ANKRD44: variants seen among roughly 807,000 people sequenced by gnomAD.
ANKRD44 encodes ankyrin repeat domain 44, also known as serine/threonine-protein phosphatase 6 regulatory ankyrin repeat subunit B.
A neutral mutation model predicts 116.0 loss-of-function variants in ANKRD44; 35 were observed. The observed-to-expected ratio is 0.30, with a 90% CI of 0.23 to 0.40. ANKRD44 has a LOEUF of 0.40. ANKRD44 is among the 10% of genes least tolerant of loss of function. ANKRD44 has a pLI of 1.00. For synonymous variants in ANKRD44, 435 were observed against 461.8 expected (o/e 0.94, Z 0.74); for missense variants, 1,014 against 1,242.6 (o/e 0.82, Z 2.77).
At chr2:197,227,333 C>T (rs1170580316) in intron 1 of ANKRD44, among the ~76,000 whole-genome samples, 1 of 152,158 alleles carries the variant, frequency 6.6e-6, no homozygotes, top group Non-Finnish European at 1.5e-5. Flanking sequence ...ATAGCTGGAC[C>T]GAGGACTGCA....
At position 197,099,796 on chromosome 2, in the gene ANKRD44, G is replaced by A. The variant is rs142683674; in HGVS notation, c.1100+20C>T. The A allele has an allele frequency of 1.4e-4, 226 of 1,613,160 alleles. No individual in the cohort carries two copies. The highest frequency in any genetic ancestry group is 1.7e-4 in the Non-Finnish European group (196 of 1,179,570). On this transcript the variant is annotated intron_variant, in intron 10 of 27. Coordinates refer to ENST00000282272, the MANE Select transcript of ANKRD44 (RefSeq NM_001195144.2). Reference sequence around the variant, plus strand: ...TCCCACTTGAGGCAATTATTCCACCGTATTTTTGCGGTAACCTACTTGGCT... The same window carrying A: ...TCCCACTTGAGGCAATTATTCCACCATATTTTTGCGGTAACCTACTTGGCT...
At chr2:197,211,667 CGAGGGGCACAA>C (rs779274725) in intron 1 of ANKRD44, among the ~76,000 whole-genome samples, 2 of 152,052 alleles carry the variant, frequency 1.3e-5, no homozygotes, top group Non-Finnish European at 2.9e-5. Flanking sequence ...GGTACCACCT[CGAGGGGCACAA>C]GAATCTTGGG....
intron 2 of ANKRD44, among the ~76,000 whole-genome samples, chr2:197,166,093 T>TA (rs1350619805): frequency 6.6e-6 from 1 of 152,184 alleles, no homozygotes; most frequent in African/African-American, 2.4e-5. Context: ...GCTTGACTGT[T>TA]ACAGAGGTTT....
At chr2:196,986,280 T>C (rs1007638169), downstream of ANKRD44, among the ~76,000 whole-genome samples, 1 of 152,058 alleles carries the variant, frequency 6.6e-6, no homozygotes, top group African/African-American at 2.4e-5. Context: ...CTAGGCATAG[T>C]GGTGCACATC....
At chr2:197,020,761 G>T (rs2076480386) in intron 17 of ANKRD44, among the ~76,000 whole-genome samples, 1 of 151,504 alleles carries the variant, frequency 6.6e-6, no homozygotes, top group African/African-American at 2.4e-5. Context: ...GCCTTATTAG[G>T]TAACAATTAT....
intron 26 of ANKRD44, 61 bp from the exon 27 acceptor site, chr2:196,993,735 T>C: frequency 7.2e-7 from 1 of 1,390,084 alleles, no homozygotes; most frequent in Non-Finnish European, 1.0e-6. Context: ...TGTGGAATTT[T>C]TGTTAGCCCA....
At chr2:197,017,182 A>C (rs1322788789) in intron 17 of ANKRD44, among the ~76,000 whole-genome samples, 1 of 152,230 alleles carries the variant, frequency 6.6e-6, no homozygotes, top group African/African-American at 2.4e-5. Context: ...AAAATCTATC[A>C]AACTTTTTAA....
At chr2:197,219,872 G>A (rs1009195264) in intron 1 of ANKRD44, among the ~76,000 whole-genome samples, 3 of 152,190 alleles carry the variant, frequency 2.0e-5, no homozygotes, top group African/African-American at 7.2e-5. Context: ...AATCTCCAAA[G>A]GCAGGGAGAG....
At chr2:197,202,677 G>A (rs1385079634) in intron 1 of ANKRD44, among the ~76,000 whole-genome samples, 2 of 152,230 alleles carry the variant, frequency 1.3e-5, no homozygotes, top group South Asian at 2.1e-4. Flanking sequence ...GGGGTCAGGT[G>A]AGCCTCCCCC....
intron 1 of ANKRD44, chr2:197,199,234 G>A (rs1003672714): frequency 6.6e-6 from 1 of 152,126 alleles, no homozygotes; most frequent in Non-Finnish European, 1.5e-5. Context: ...GTATCTTTAC[G>A]TAACGAGCTG....
chr2:197,108,185 A>G (rs560843787), intron 9 of ANKRD44, among the ~76,000 whole-genome samples: 1 of 152,278 alleles, frequency 6.6e-6, no homozygotes, highest in African/African-American at 2.4e-5. Flanking sequence ...TCCTCAACAT[A>G]CTGGCCATTT....
chr2:197,216,579 T>C (rs1278578836), intron 1 of ANKRD44, among the ~76,000 whole-genome samples: 1 of 152,154 alleles, frequency 6.6e-6, no homozygotes, highest in Non-Finnish European at 1.5e-5. Flanking sequence ...GAGTGCTTTT[T>C]CAGAAATTGA....
chr2:197,282,731 A>C (rs2083300922), intron 1 of ANKRD44, among the ~76,000 whole-genome samples: 2 of 152,168 alleles, frequency 1.3e-5, no homozygotes, highest in Admixed American at 6.5e-5. Context: ...GGCCAAGACG[A>C]GCAGATCACC....
intron 1 of ANKRD44, among the ~76,000 whole-genome samples, chr2:197,299,125 T>C (rs181699825): frequency 8.3e-4 from 126 of 152,302 alleles, no homozygotes; most frequent in Admixed American, 2.2e-3. Context: ...TCACTGCAAC[T>C]AGTCTGAATG....
intron 21 of ANKRD44, among the ~76,000 whole-genome samples, chr2:196,969,529 G>A (rs565610641): frequency 2.6e-5 from 4 of 152,270 alleles, no homozygotes; most frequent in East Asian, 3.9e-4. Context: ...GAGGAGCATT[G>A]GCACAGAACA....
intron 16 of ANKRD44, among the ~76,000 whole-genome samples, chr2:197,063,298 T>A (rs2077357672): frequency 6.6e-6 from 1 of 152,102 alleles, no homozygotes; most frequent in South Asian, 2.1e-4. Flanking sequence ...CAAAACCCCA[T>A]CTGTACGTCA....
intron 22 of ANKRD44, among the ~76,000 whole-genome samples, chr2:197,000,932 G>A (rs1002602389): frequency 6.6e-6 from 1 of 152,212 alleles, no homozygotes; most frequent in Admixed American, 6.5e-5. Context: ...CAGCTGCTTG[G>A]GAAGCTGAGG....
At chr2:197,044,276 T>G (rs1352896707) in intron 16 of ANKRD44, among the ~76,000 whole-genome samples, 1 of 152,242 alleles carries the variant, frequency 6.6e-6, no homozygotes, top group African/African-American at 2.4e-5. Flanking sequence ...CATCAGCTCC[T>G]GCAGTTTCCA....
intron 1 of ANKRD44, among the ~76,000 whole-genome samples, chr2:197,237,037 G>A (rs993497226): frequency 6.6e-6 from 1 of 152,190 alleles, no homozygotes; most frequent in East Asian, 1.9e-4. Context: ...GATGGCAATG[G>A]TGTAGAACGG....
Sources: gnomAD v4.1 joint callset for allele counts (sites outside exome capture counted in the v4.1 genomes callset) on GRCh38, gnomAD v4.1.1 for gene constraint, MANE v1.5 for transcripts, NCBI Gene and HGNC (gene_info 2026-07-23, HGNC 2026-07-21) for gene names.